PSMA8: variants seen among roughly 807,000 people sequenced by gnomAD.
The protein encoded by PSMA8 is proteasome subunit alpha-type 8.
In PSMA8, 18 loss-of-function variants were observed where a neutral mutation model predicts 32.4. The ratio of observed to expected loss-of-function variants is 0.56; its 90% CI spans 0.38 to 0.82. The LOEUF (loss-of-function observed/expected upper bound fraction) is 0.82. PSMA8 is among the 40% of genes least tolerant of loss of function. The pLI is 0.00. For missense variants in PSMA8, 298 were observed against 300.7 expected (o/e 0.99, Z 0.07); for synonymous variants, 104 against 98.1 (o/e 1.06, Z -0.36).
At chr18:26,189,300 G>T (rs1430015512) in intron 6 of PSMA8, among the ~76,000 whole-genome samples, 1 of 152,116 alleles carries the variant, frequency 6.6e-6, no homozygotes, top group African/African-American at 2.4e-5. Context: ...GGCCAAGGCG[G>T]GAGGATCACT....
intron 4 of PSMA8, among the ~76,000 whole-genome samples, chr18:26,172,676 T>TA (rs2055232587): frequency 6.6e-6 from 1 of 152,048 alleles, no homozygotes; most frequent in African/African-American, 2.4e-5. Context: ...AAAGTACAGT[T>TA]ACATTCTCTT....
chr18:26,169,260 G>A (rs1464266228), intron 4 of PSMA8, among the ~76,000 whole-genome samples: 6 of 133,820 alleles, frequency 4.5e-5, no homozygotes, highest in Non-Finnish European at 7.4e-5. Flanking sequence ...GAGCCACTGT[G>A]CCTGGCTAGT....
chr18:26,153,851 GT>G (rs1337400609), intron 3 of PSMA8, among the ~76,000 whole-genome samples: 2 of 151,794 alleles, frequency 1.3e-5, no homozygotes, highest in Admixed American at 1.3e-4. Context: ...GACATTTTAG[GT>G]TTTTAGAACA....
intron 1 of PSMA8, among the ~76,000 whole-genome samples, chr18:26,139,570 T>A (rs536409797): frequency 7.9e-5 from 12 of 152,210 alleles, no homozygotes; most frequent in Non-Finnish European, 1.0e-4. Context: ...TTGAAGTGCA[T>A]TGTTTCTCTC....
chr18:26,142,288 C>T (rs2054965036), intron 1 of PSMA8, among the ~76,000 whole-genome samples: 1 of 152,058 alleles, frequency 6.6e-6, no homozygotes, highest in Non-Finnish European at 1.5e-5. Context: ...ATCCACCCAC[C>T]TCGGCCTCCC....
Position 26,134,022 on chromosome 18 carries a change from T to C in PSMA8, c.57T>C (p.Phe19=). ...TCTTCTCCCCAGACGGACACCTTTT[T>C]CAAGTTGAATATGCCCAGGAAGCGG... The part of the protein sequence containing the change: ...ITVFSPDGHL[F]QVEYAQEAVK... Residue 19 remains phenylalanine (F), a synonymous_variant, in exon 1 of 7, where the codon TTT becomes TTC. Transcript: ENST00000415576. 6.2e-7 allele frequency: 1 copy of C among 1,614,090 alleles called. No homozygotes were observed. The highest frequency in any genetic ancestry group is 8.5e-7 in the Non-Finnish European group (1 of 1,179,992).
chr18:26,134,344 T>G (rs564344888), intron 1 of PSMA8, among the ~76,000 whole-genome samples: 45 of 128,992 alleles, frequency 3.5e-4, no homozygotes, highest in South Asian at 1.5e-3. Flanking sequence ...TGTGTGGGTG[T>G]GTGTGTGTGT....
intron 4 of PSMA8, among the ~76,000 whole-genome samples, chr18:26,159,410 T>C (rs1021042485): frequency 6.6e-6 from 1 of 152,156 alleles, no homozygotes; most frequent in Non-Finnish European, 1.5e-5. Context: ...AAGGTATAGA[T>C]TTACATGCTG....
At chr18:26,189,787 T>C (rs1457398958) in intron 6 of PSMA8, among the ~76,000 whole-genome samples, 2 of 152,190 alleles carry the variant, frequency 1.3e-5, no homozygotes, top group Non-Finnish European at 1.5e-5. Context: ...GCAATCCCAC[T>C]ACTGGGTGTA....
At chr18:26,136,660 A>G (rs900836638) in intron 1 of PSMA8, among the ~76,000 whole-genome samples, 2 of 152,220 alleles carry the variant, frequency 1.3e-5, no homozygotes, top group African/African-American at 2.4e-5. Context: ...TCTGTACCAC[A>G]GAATATTGTA....
chr18:26,153,502 A>G (rs1026708845), intron 3 of PSMA8, among the ~76,000 whole-genome samples: 1 of 152,194 alleles, frequency 6.6e-6, no homozygotes, highest in Non-Finnish European at 1.5e-5. Context: ...TAGGTTTTTC[A>G]TTGTTCTTTT....
At chr18:26,145,724 T>C (rs1278770400) in intron 2 of PSMA8, among the ~76,000 whole-genome samples, 1 of 152,220 alleles carries the variant, frequency 6.6e-6, no homozygotes. Flanking sequence ...TAGTATTCCA[T>C]GGAATAAAGG....
At chr18:26,136,562 A>G (rs942451043) in intron 1 of PSMA8, among the ~76,000 whole-genome samples, 18 of 152,162 alleles carry the variant, frequency 1.2e-4, no homozygotes, top group Admixed American at 1.3e-4. Context: ...TTTATCCTTT[A>G]ACAATCTCTG....
chr18:26,144,674 T>C lies in PSMA8; in HGVS notation c.218T>C (p.Met73Thr), dbSNP rs775376419. The change falls in exon 2 of 7, where the codon ATG (methionine) becomes ACG (threonine). Residue 73 changes from methionine (M) to threonine (T), a missense_variant. Coordinates refer to ENST00000415576, the MANE Select transcript of PSMA8 (RefSeq NM_001025096.2). ...KICALDDHVC[M>T]AFAGLTADAR... ...TGTGCCCTTGATGACCATGTCTGCA[T>C]GGCTTTTGCAGGTACTTAAGGTCCT... The C allele has an allele frequency of 6.2e-7, 1 of 1,613,906 alleles. No homozygotes were observed. Among genetic ancestry groups the C allele is most frequent in the East Asian group, 2.2e-5 (1 of 44,822 alleles).
intron 3 of PSMA8, among the ~76,000 whole-genome samples, chr18:26,154,943 T>C (rs1381561819): frequency 6.6e-6 from 1 of 151,750 alleles, no homozygotes; most frequent in Non-Finnish European, 1.5e-5. Flanking sequence ...AAATGATTCA[T>C]TAGTCTAGGC....
At chr18:26,141,835 C>T (rs1373090327) in intron 1 of PSMA8, among the ~76,000 whole-genome samples, 1 of 149,718 alleles carries the variant, frequency 6.7e-6, no homozygotes, top group African/African-American at 2.5e-5. Flanking sequence ...TACAGGTGCA[C>T]ACACCATGCT....
chr18:26,160,352 A>T (rs1359418335), intron 4 of PSMA8, among the ~76,000 whole-genome samples: 2 of 152,094 alleles, frequency 1.3e-5, no homozygotes, highest in Non-Finnish European at 2.9e-5. Context: ...CTGAATTAGA[A>T]CTCAAGATGT....
chr18:26,184,082 G>C (rs969025373), intron 6 of PSMA8, among the ~76,000 whole-genome samples: 1 of 150,778 alleles, frequency 6.6e-6, no homozygotes, highest in Non-Finnish European at 1.5e-5. Context: ...CTACAGTATA[G>C]TGTAAACATA....
chr18:26,192,130 G>A (rs183636881), intron 6 of PSMA8, among the ~76,000 whole-genome samples, 189 bp from the exon 7 acceptor site: 1 of 152,180 alleles, frequency 6.6e-6, no homozygotes, highest in Non-Finnish European at 1.5e-5. Context: ...AAATGTCAGA[G>A]ATCTGGTTTT....
Sources: gnomAD v4.1 joint callset for allele counts (sites outside exome capture counted in the v4.1 genomes callset) on GRCh38, gnomAD v4.1.1 for gene constraint, MANE v1.5 for transcripts, NCBI Gene and HGNC (gene_info 2026-07-23, HGNC 2026-07-21) for gene names.